The following MKRN2OS variants were observed in gnomAD, a reference collection of about 807,000 sequenced individuals.
MKRN2OS encodes the protein MKRN2 opposite strand protein.
MKRN2OS carries 17 observed loss-of-function variants against 18.2 expected under a neutral mutation model. The ratio of observed to expected loss-of-function variants is 0.93; its 90% confidence interval spans 0.64 to 1.40. The LOEUF (loss-of-function observed/expected upper bound fraction) is 1.40. Among genes scored for constraint, MKRN2OS ranks in the 40% most tolerant of loss-of-function variants. The pLI, the probability that MKRN2OS is intolerant of heterozygous loss-of-function variation, is 0.00. For synonymous variants in MKRN2OS, 121 were observed against 108.5 expected (o/e 1.12, Z -0.72); for missense variants, 337 against 283.0 (o/e 1.19, Z -1.37).
chr3:12,557,269 A>G (rs1182091178), intron 1 of MKRN2OS: 2 of 1,467,152 alleles, frequency 1.4e-6, no homozygotes, highest in Non-Finnish European at 1.8e-6. Context: ...ACCTGAGGCT[A>G]GAGCGGGACT....
rs576280978 is a variant in MKRN2OS, at chr3:12,543,314, C to G, written c.219-85G>C. ...ATTTAAAGTAGGAGGATGCCGAGCA[C>G]AGTGGCTTAGACCTGTAATCCCAGC... On this transcript the variant is annotated intron_variant, in intron 1 of 3. Coordinates refer to ENST00000564146, the MANE Select transcript of MKRN2OS (RefSeq NM_001195279.2). 148 of 1,181,648 alleles carry G rather than the reference C, an allele frequency of 1.3e-4. No individual in the cohort carries two copies. In the African/African-American group the frequency reaches 1.9e-3, roughly 15 times the overall value. The allele number at this position is 1,181,648 out of a possible 1,614,324, so 73.2% of individuals were successfully genotyped here.
chr3:12,556,935 G>T, intron 1 of MKRN2OS: 1 of 427,152 alleles, frequency 2.3e-6, no homozygotes, highest in East Asian at 3.8e-5. Context: ...GAGCAGGGAT[G>T]CCGGGACAGC....
intron 1 of MKRN2OS, chr3:12,556,949 CCCGATCCCCGGTGCGGA>C (rs1301922289): frequency 2.2e-6 from 1 of 462,412 alleles, no homozygotes; most frequent in African/African-American, 2.0e-5. Flanking sequence ...GGACAGCCGG[CCCGATCCCCGGTGCGGA>C]ACCAATTGTG....
upstream of MKRN2OS, chr3:12,545,642 T>C (rs931574735): frequency 1.6e-5 from 7 of 439,892 alleles, no homozygotes; most frequent in Non-Finnish European, 2.8e-5. Flanking sequence ...CCATAGACTG[T>C]ATCTTAAAGA....
chr3:12,557,795 T>C (rs920529619), intron 1 of MKRN2OS, among the ~76,000 whole-genome samples: 1 of 152,272 alleles, frequency 6.6e-6, no homozygotes, highest in Non-Finnish European at 1.5e-5. Flanking sequence ...ATTACCATTT[T>C]ACAGTGCAGG....
intron 1 of MKRN2OS, among the ~76,000 whole-genome samples, chr3:12,555,535 C>T (rs768296773): frequency 6.6e-6 from 1 of 152,068 alleles, no homozygotes; most frequent in Non-Finnish European, 1.5e-5. Context: ...AAAGAACATA[C>T]AGCTATACAT....
chr3:12,557,112 G>A, intron 1 of MKRN2OS: 1 of 1,492,716 alleles, frequency 6.7e-7, no homozygotes, highest in Non-Finnish European at 8.9e-7. Context: ...GCGGCTGCGA[G>A]AGGCGGCGGC....
chr3:12,542,276 G>A (rs2057825648), intron 2 of MKRN2OS, among the ~76,000 whole-genome samples: 1 of 152,060 alleles, frequency 6.6e-6, no homozygotes, highest in African/African-American at 2.4e-5. Flanking sequence ...TGCTGTTGAG[G>A]GCTGTGAAGT....
At chr3:12,557,375 T>A (rs2057985960) in intron 1 of MKRN2OS, among the ~76,000 whole-genome samples, 1 of 152,118 alleles carries the variant, frequency 6.6e-6, no homozygotes, top group African/African-American at 2.4e-5. Flanking sequence ...GCCGAGACGC[T>A]GGGCGAGGCC....
At position 12,540,420 on chromosome 3, in the gene MKRN2OS, G is replaced by A. The variant is rs1426137329; in HGVS notation, c.445C>T (p.His149Tyr). 1.3e-6 allele frequency: 2 copies of A among 1,535,992 alleles called. No individual in the cohort carries two copies. Among genetic ancestry groups the A allele is most frequent in the African/African-American group, 2.7e-5 (2 of 73,034 alleles). ...AGTGCGTAAGAGTAGCAGTTATGGT[G>A]GTTGTCTTCATACCTTATGGAGGAG... ...AWLPHRYEDN[H>Y]HNCYSYALTF... The change falls in exon 4 of 4, where the codon CAC (histidine) becomes TAC (tyrosine). Residue 149 changes from histidine to tyrosine, a missense_variant. Transcript: ENST00000564146.
At chr3:12,547,847 G>C (rs1446010890), upstream of MKRN2OS, among the ~76,000 whole-genome samples, 1 of 152,140 alleles carries the variant, frequency 6.6e-6, no homozygotes, top group African/African-American at 2.4e-5. Flanking sequence ...ATGCAGAAAA[G>C]TGCATCTCCA....
chr3:12,557,075 C>CGGGCCA lies in MKRN2OS; in HGVS notation n.265-2947_265-2942dup, dbSNP rs2057979235. 2.8e-5 allele frequency: 39 copies of CGGGCCA among 1,411,138 alleles called. No homozygotes were observed. In the South Asian group the frequency reaches 4.7e-4, roughly 17 times the overall value. The allele number at this position is 1,411,138 out of a possible 1,614,324, so 87.4% of individuals were successfully genotyped here. On this transcript the variant is annotated intron_variant and non_coding_transcript_variant, in intron 1 of 1. Transcript: ENST00000447550. Reference sequence around the variant, plus strand: ...CGTGACGCGGCTACGCGGGATGGGCCGGGCCAGGGCCAAGGCCGAGGCGGC... The same window carrying CGGGCCA: ...CGTGACGCGGCTACGCGGGATGGGCCGGGCCAGGGCCAGGGCCAAGGCCGAGGCGGC...
At chr3:12,541,569 A>G (rs2454431) in intron 3 of MKRN2OS, among the ~76,000 whole-genome samples, 58,711 of 151,962 alleles carry the variant, frequency 0.39, 12,521 homozygotes, top group African/African-American at 0.56. Flanking sequence ...GTGACTTGCT[A>G]TTTATGTGTA....
downstream of MKRN2OS, among the ~76,000 whole-genome samples, chr3:12,553,430 A>C (rs901385829): frequency 6.6e-6 from 1 of 152,152 alleles, no homozygotes; most frequent in Non-Finnish European, 1.5e-5. Context: ...TTCTCAATAC[A>C]TGCAAAAAAA....
intron 1 of MKRN2OS, among the ~76,000 whole-genome samples, chr3:12,559,491 T>A (rs2058018207): frequency 6.6e-6 from 1 of 152,158 alleles, no homozygotes; most frequent in Admixed American, 6.5e-5. Flanking sequence ...TTTTCCTGAC[T>A]GTGGGATGTG....
At chr3:12,557,310 C>T in intron 1 of MKRN2OS, 1 of 1,250,238 alleles carries the variant, frequency 8.0e-7, no homozygotes, top group South Asian at 1.6e-5. Flanking sequence ...CGCGGCGGGG[C>T]TTTGCGAGGC....
chr3:12,557,448 C>T (rs1479947567), intron 1 of MKRN2OS, among the ~76,000 whole-genome samples: 1 of 152,230 alleles, frequency 6.6e-6, no homozygotes, highest in Non-Finnish European at 1.5e-5. Flanking sequence ...GAAGGACGTC[C>T]TAGCCAGGGC....
upstream of MKRN2OS, among the ~76,000 whole-genome samples, chr3:12,548,187 G>A (rs978476983): frequency 1.5e-4 from 23 of 152,130 alleles, no homozygotes; most frequent in African/African-American, 2.4e-4. Context: ...GGTGGCTCAC[G>A]CCTGTAACCC....
At chr3:12,555,543 C>A (rs566332843) in intron 1 of MKRN2OS, among the ~76,000 whole-genome samples, 1 of 152,178 alleles carries the variant, frequency 6.6e-6, no homozygotes, top group East Asian at 1.9e-4. Context: ...TACAGCTATA[C>A]ATACATAACA....
Sources: allele counts gnomAD v4.1 joint callset (sites outside exome capture counted in the v4.1 genomes callset), GRCh38; gene constraint gnomAD v4.1.1; transcripts MANE v1.5; gene names NCBI Gene and HGNC (gene_info 2026-07-23, HGNC 2026-07-21).